Variants in MARK2 observed in about 807,000 individuals in gnomAD.
MARK2 encodes microtubule affinity regulating kinase 2.
Under a neutral mutation model 89.8 loss-of-function variants are expected in MARK2, and 16 were observed. The ratio of observed to expected loss-of-function variants is 0.18; its 90% CI spans 0.12 to 0.27. The LOEUF is 0.27. Ranked by LOEUF, MARK2 falls within the 10% of genes least tolerant of loss-of-function variation. MARK2 has a pLI of 1.00. For synonymous variants in MARK2, 382 were observed against 399.5 expected (o/e 0.96, Z 0.52); for missense variants, 621 against 1,049.9 (o/e 0.59, Z 5.65).
chr11:63,878,571 G>A (rs186256280), intron 1 of MARK2, among the ~76,000 whole-genome samples: 2 of 151,818 alleles, frequency 1.3e-5, no homozygotes, highest in East Asian at 1.9e-4. Context: ...GGATTTCACC[G>A]TGTTAGCCAG....
At position 63,909,153 on chromosome 11, in the gene MARK2, C is replaced by T. The variant is rs1565153602; in HGVS notation, c.2283C>T (p.Asn761=). The stretch of plus-strand genomic sequence containing the variant: ...GCAAACTGCCGCGGCTCTCTCTCAA[C>T]GGGGTTCGATTTAAGCGGATATCGG... The part of the protein sequence containing the change: ...EVCKLPRLSL[N]GVRFKRISGT... Residue 761 remains asparagine, a synonymous_variant, in exon 19 of 19, where the codon AAC becomes AAT. Coordinates refer to ENST00000402010, the MANE Select transcript of MARK2 (RefSeq NM_001039469.3). 3 of 1,613,798 alleles carry T rather than the reference C, an allele frequency of 1.9e-6. No homozygotes were observed. The highest frequency in any genetic ancestry group is 1.3e-5 in the African/African-American group (1 of 75,032).
chr11:63,881,477 T>G (rs768389528), intron 1 of MARK2, among the ~76,000 whole-genome samples: 4 of 151,882 alleles, frequency 2.6e-5, no homozygotes, highest in Non-Finnish European at 5.9e-5. Flanking sequence ...GAGAGTGGGG[T>G]CGAGAGTGGG....
intron 6 of MARK2, 71 bp from the exon 7 acceptor site, chr11:63,898,981 G>A (rs1565138207): frequency 5.5e-6 from 7 of 1,270,864 alleles, no homozygotes; most frequent in Non-Finnish European, 6.9e-6. Context: ...AAGTCACAGG[G>A]TCACTGCTCT....
At chr11:63,859,670 C>T (rs1374346020) in intron 1 of MARK2, among the ~76,000 whole-genome samples, 46 of 151,708 alleles carry the variant, frequency 3.0e-4, no homozygotes. Context: ...CCCACTCTGT[C>T]GCCCAGGCTG....
In MARK2 at chr11:63,900,287, T is replaced by C. The variant is rs1278235955; in HGVS notation, c.768+177T>C. On this transcript the variant is annotated intron_variant, in intron 8 of 18. Coordinates refer to ENST00000402010, the MANE Select transcript of MARK2 (RefSeq NM_001039469.3). This position sits in a 1 kb window ranked among gnomAD's most constrained non-coding sequence, Gnocchi z 4.7. Reference sequence around the variant, plus strand: ...TGCACCTGGGAATGAATAACCTCAGTTCCTTTCTCGAAAGATGGGATAAAC... The same window carrying C: ...TGCACCTGGGAATGAATAACCTCAGCTCCTTTCTCGAAAGATGGGATAAAC... Among the ~76,000 whole-genome samples, 1 of 152,172 alleles carries C rather than the reference T, an allele frequency of 6.6e-6. No individual in the cohort carries two copies. The highest frequency in any genetic ancestry group is 2.4e-5 in the African/African-American group (1 of 41,428).
chr11:63,901,030 G>C lies in MARK2; in HGVS notation c.1062G>C (p.Val354=). The C allele has an allele frequency of 6.2e-7, 1 of 1,614,118 alleles. No homozygotes were observed. The highest frequency in any genetic ancestry group is 8.5e-7 in the Non-Finnish European group (1 of 1,179,960). The change falls in exon 11 of 19, where the codon GTG becomes GTC. Residue 354 remains valine (V), a synonymous_variant. Coordinates refer to ENST00000402010, the MANE Select transcript of MARK2 (RefSeq NM_001039469.3). ...DSLVGQRYNE[V]MATYLLLGYK... Reference sequence around the variant, plus strand: ...TGGTGGGCCAGAGATACAACGAGGTGATGGCCACCTATCTGCTCCTGGGCT... The same window carrying C: ...TGGTGGGCCAGAGATACAACGAGGTCATGGCCACCTATCTGCTCCTGGGCT...
intron 1 of MARK2, among the ~76,000 whole-genome samples, chr11:63,871,597 G>A (rs1030130886): frequency 3.4e-5 from 5 of 148,688 alleles, no homozygotes; most frequent in Non-Finnish European, 7.4e-5. Flanking sequence ...CTGTGTGCAC[G>A]TGTGGCTGAA....
In MARK2 at chr11:63,898,112, A is replaced by G. The variant is rs117050696; in HGVS notation, c.289-120A>G. On this transcript the variant is annotated intron_variant, in intron 3 of 18. Coordinates refer to ENST00000402010, the MANE Select transcript of MARK2 (RefSeq NM_001039469.3). ...CGTGCATGAGCTAGACAACCACCCT[A>G]TTTTCTTTTCCCTGCCCGGTTTTGG... The G allele has an allele frequency of 3.0e-4, 241 of 794,306 alleles. 2 individuals carry two copies. The East Asian group carries it at 5.5e-3, about 18-fold the overall frequency. 49.2% of individuals were successfully genotyped at this position (794,306 alleles called of 1,614,324 possible).
intron 3 of MARK2, among the ~76,000 whole-genome samples, chr11:63,895,925 C>T (rs1311602195): frequency 6.6e-6 from 1 of 152,142 alleles, no homozygotes; most frequent in East Asian, 1.9e-4. Context: ...TCGCCTCGGC[C>T]TCCCAAAGTG....
At chr11:63,852,705 G>A (rs1186343972) in intron 1 of MARK2, among the ~76,000 whole-genome samples, 1 of 151,468 alleles carries the variant, frequency 6.6e-6, no homozygotes, top group Non-Finnish European at 1.5e-5. Context: ...AAATGAAAGT[G>A]TAATGAAAGC....
At position 63,898,496 on chromosome 11, in the gene MARK2, G is replaced by A. The variant is rs78802409; in HGVS notation, c.338-112G>A. ...AGAGGAACTTGTTCTTGGGAGTGGGGGATCATGAAAGGAGGGGAGACTTTC... is the reference window on the plus strand; with the variant it reads ...AGAGGAACTTGTTCTTGGGAGTGGGAGATCATGAAAGGAGGGGAGACTTTC... On this transcript the variant is annotated intron_variant, in intron 4 of 18. Transcript: ENST00000402010. 15 of 939,276 alleles carry A rather than the reference G, an allele frequency of 1.6e-5. No individual in the cohort carries two copies. In the East Asian group the frequency reaches 2.6e-4, roughly 17 times the overall value. The allele number at this position is 939,276 out of a possible 1,614,324, so 58.2% of individuals were successfully genotyped here.
chr11:63,905,991 T>A, intron 16 of MARK2, 97 bp from the exon 17 acceptor site: 1 of 1,075,094 alleles, frequency 9.3e-7, no homozygotes, highest in South Asian at 3.4e-5. Context: ...CTTGAACCTG[T>A]AAAGCCACCT....
At chr11:63,890,188 C>T (rs1200162154) in intron 1 of MARK2, 1 of 1,309,262 alleles carries the variant, frequency 7.6e-7, no homozygotes, top group South Asian at 1.2e-5. Context: ...TCTCTCCTCT[C>T]TTTTCCCTTT....
intron 17 of MARK2, among the ~76,000 whole-genome samples, chr11:63,906,896 A>G (rs561969614): frequency 2.8e-5 from 4 of 143,264 alleles, no homozygotes; most frequent in African/African-American, 1.0e-4. Context: ...TGTTTTCTCC[A>G]GATATGGCCT....
At chr11:63,872,619 T>G (rs1215005742) in intron 1 of MARK2, among the ~76,000 whole-genome samples, 1 of 152,112 alleles carries the variant, frequency 6.6e-6, no homozygotes. Flanking sequence ...TCCTGCTATG[T>G]TCTAGTTCTG....
intron 1 of MARK2, among the ~76,000 whole-genome samples, chr11:63,871,248 G>T (rs569152010): frequency 6.6e-6 from 1 of 152,184 alleles, no homozygotes; most frequent in African/African-American, 2.4e-5. Flanking sequence ...TCCCCCCACC[G>T]CCATGTGCCA....
chr11:63,861,695 C>T lies in MARK2; in HGVS notation c.54+22135C>T, dbSNP rs1341781368. 5.3e-5 allele frequency among the ~76,000 whole-genome samples: 8 copies of T among 151,092 alleles called. 1 individual carries two copies. Among genetic ancestry groups the T allele is most frequent in the African/African-American group, 9.7e-5 (4 of 41,234 alleles). On this transcript the variant is annotated intron_variant, in intron 1 of 18. Coordinates refer to ENST00000402010, the MANE Select transcript of MARK2 (RefSeq NM_001039469.3). ...AACATTTATTGAGCCCTTACTCTGTCGCAAGCACTTGTTTAGTTGTTTTAC... is the reference window on the plus strand; with the variant it reads ...AACATTTATTGAGCCCTTACTCTGTTGCAAGCACTTGTTTAGTTGTTTTAC...
At chr11:63,879,180 G>A (rs560298793) in intron 1 of MARK2, among the ~76,000 whole-genome samples, 87 of 152,128 alleles carry the variant, frequency 5.7e-4, no homozygotes, top group Admixed American at 1.4e-3. Flanking sequence ...GGTGGTGAGC[G>A]CCTGTACTCC....
In MARK2 at chr11:63,903,213, T is replaced by G; in HGVS notation, c.1514+55T>G. On this transcript the variant is annotated intron_variant, in intron 14 of 18. Transcript: ENST00000402010. The surrounding 1 kb of genome is among the most constrained non-coding windows in gnomAD (Gnocchi z 5.1). ...TCCCTAGGAGCCATGTCTCACAGGG[T>G]GATGTCTGTCAGCAGCACCGTCTCC... 1 of 1,333,302 alleles carries G rather than the reference T, an allele frequency of 7.5e-7. No homozygotes were observed. The highest frequency in any genetic ancestry group is 1.2e-5 in the South Asian group (1 of 85,544). The allele number at this position is 1,333,302 out of a possible 1,614,324, so 82.6% of individuals were successfully genotyped here. A position where few individuals can be genotyped will look rare whatever the true frequency, so the allele number is the denominator to read the frequency against.
Sources: gnomAD v4.1 joint callset for allele counts (sites outside exome capture counted in the v4.1 genomes callset) on GRCh38, gnomAD v4.1.1 for gene constraint, Gnocchi (gnomAD v3.1) non-coding constraint, MANE v1.5 for transcripts, NCBI Gene and HGNC (gene_info 2026-07-23, HGNC 2026-07-21) for gene names.